AGTPBP1: variants seen among roughly 807,000 people sequenced by gnomAD.
AGTPBP1 encodes ATP/GTP binding carboxypeptidase 1.
In AGTPBP1, 70 loss-of-function variants were observed where a neutral mutation model predicts 143.9. That is an observed-to-expected ratio of 0.49 (90% CI 0.40 to 0.59). The LOEUF (loss-of-function observed/expected upper bound fraction) is 0.59, where lower values mean the gene tolerates loss of function less well. Ranked by LOEUF, AGTPBP1 falls within the 20% of genes least tolerant of loss-of-function variation. AGTPBP1 has a pLI of 0.00. For missense variants in AGTPBP1, 1,229 were observed against 1,464.5 expected (o/e 0.84, Z 2.62); for synonymous variants, 463 against 500.2 (o/e 0.93, Z 0.99).
chr9:85,675,861 T>TA (rs1413497335), intron 6 of AGTPBP1, among the ~76,000 whole-genome samples: 7 of 152,040 alleles, frequency 4.6e-5, no homozygotes, highest in Non-Finnish European at 1.0e-4. Context: ...CCGTCTCTAC[T>TA]AAAAATACAA....
chr9:85,668,966 CAT>C (rs746381852), intron 8 of AGTPBP1, among the ~76,000 whole-genome samples: 708 of 67,600 alleles, frequency 0.01, 5 homozygotes, highest in Admixed American at 0.014. Flanking sequence ...TACATACATA[CAT>C]GTGTGTGTGT....
chr9:85,724,955 C>T (rs1042381189), intron 1 of AGTPBP1, among the ~76,000 whole-genome samples: 7 of 152,144 alleles, frequency 4.6e-5, no homozygotes, highest in East Asian at 1.9e-4. Flanking sequence ...ATGGCAGATA[C>T]GGTATAATGG....
At chr9:85,763,251 G>C in the AGTPBP1 span, among the ~76,000 whole-genome samples, 6 of 151,788 alleles carry the variant, frequency 4.0e-5, no homozygotes, top group African/African-American at 1.5e-4. Context: ...ACAAAAATAA[G>C]GGCACCAACT....
At chr9:85,742,875 A>T (rs1056832724), upstream of AGTPBP1, among the ~76,000 whole-genome samples, 3 of 152,220 alleles carry the variant, frequency 2.0e-5, no homozygotes, top group African/African-American at 7.2e-5. Flanking sequence ...ACAACTAGAT[A>T]AGGGAATGCA....
intron 14 of AGTPBP1, 146 bp downstream of exon 14, chr9:85,632,516 G>C: frequency 1.4e-6 from 1 of 708,786 alleles, no homozygotes; most frequent in South Asian, 2.3e-5. Context: ...TCAAAACAAG[G>C]CAAAATTTCC....
At position 85,621,256 on chromosome 9, in the gene AGTPBP1, A is replaced by T; in HGVS notation, c.2045T>A (p.Leu682Gln). 3 of 1,452,294 alleles carry T rather than the reference A, an allele frequency of 2.1e-6. No individual in the cohort carries two copies. In the South Asian group the frequency reaches 5.1e-5, roughly 25 times the overall value. The allele number at this position is 1,452,294 out of a possible 1,614,324, so 90.0% of individuals were successfully genotyped here. A position where few individuals can be genotyped will look rare whatever the true frequency, so the allele number is the denominator to read the frequency against. ...ATCTATGATATCACTCTGATGTATT[A>T]GCCTTTCAATATCTTGAGCAATTTT... ...RTKIAQDIER[L>Q]IHQSDIIDRV... Residue 682 changes from leucine (L) to glutamine (Q), a missense_variant, in exon 15 of 26, where the codon CTA (leucine) becomes CAA (glutamine). By Grantham distance (113) the Leu-to-Gln change is moderately radical. Transcript: ENST00000357081.
At chr9:85,746,139 G>C (rs1412144392), upstream of AGTPBP1, among the ~76,000 whole-genome samples, 1 of 152,024 alleles carries the variant, frequency 6.6e-6, no homozygotes, top group African/African-American at 2.4e-5. Flanking sequence ...ACAGTATATA[G>C]ACGTCATACC....
At chr9:85,730,995 T>C (rs1282830693) in intron 1 of AGTPBP1, among the ~76,000 whole-genome samples, 2 of 152,240 alleles carry the variant, frequency 1.3e-5, no homozygotes, top group East Asian at 3.8e-4. Flanking sequence ...GGGAAAGTAG[T>C]TCTTTCTCTA....
chr9:85,632,327 TAA>T (rs1831733218), intron 14 of AGTPBP1, among the ~76,000 whole-genome samples: 2 of 152,224 alleles, frequency 1.3e-5, no homozygotes, highest in Non-Finnish European at 2.9e-5. Context: ...GACAAATTAC[TAA>T]GTTAACAAAT....
At chr9:85,575,618 A>C (rs1827849885) in intron 24 of AGTPBP1, 143 bp from the exon 25 acceptor site, 1 of 560,580 alleles carries the variant, frequency 1.8e-6, no homozygotes, top group Non-Finnish European at 2.8e-6. Context: ...GGACTCAACA[A>C]GTTTAACATC....
At chr9:85,773,320 CTTTTTTTTTTTTTT>C in the AGTPBP1 span, among the ~76,000 whole-genome samples, 5 of 29,948 alleles carry the variant, frequency 1.7e-4, no homozygotes, top group African/African-American at 2.7e-4. Flanking sequence ...CCAACAAATT[CTTTTTTTTTTTTTT>C]TTTTTTTTTT....
the AGTPBP1 span, among the ~76,000 whole-genome samples, chr9:85,768,379 A>C: frequency 6.6e-6 from 1 of 152,218 alleles, no homozygotes; most frequent in Non-Finnish European, 1.5e-5. Context: ...GTTCTTGGAA[A>C]TTGTGACTTT....
chr9:85,778,787 G>A, the AGTPBP1 span, among the ~76,000 whole-genome samples: 1 of 152,188 alleles, frequency 6.6e-6, no homozygotes, highest in Non-Finnish European at 1.5e-5. Context: ...AGGTAGAAGA[G>A]TTCATCATTT....
chr9:85,685,854 A>T (rs1032794474), intron 3 of AGTPBP1, among the ~76,000 whole-genome samples: 1 of 152,156 alleles, frequency 6.6e-6, no homozygotes, highest in Admixed American at 6.5e-5. Context: ...GAAAAAATTT[A>T]AGATTCTAAA....
intron 25 of AGTPBP1, among the ~76,000 whole-genome samples, chr9:85,558,325 G>A (rs1826481864): frequency 6.6e-6 from 1 of 152,186 alleles, no homozygotes; most frequent in Non-Finnish European, 1.5e-5. Context: ...GTTGCCAGGG[G>A]CCAGGAGTGA....
chr9:85,682,820 A>G (rs896238646), intron 3 of AGTPBP1, among the ~76,000 whole-genome samples: 8 of 152,214 alleles, frequency 5.3e-5, no homozygotes, highest in Non-Finnish European at 1.2e-4. Flanking sequence ...GTTCTGAGCA[A>G]ATCCTGTTCA....
intron 17 of AGTPBP1, among the ~76,000 whole-genome samples, chr9:85,609,012 T>A (rs751642334): frequency 6.6e-6 from 1 of 152,120 alleles, no homozygotes. Flanking sequence ...ATTATCTCTG[T>A]TGGAGAAGAA....
chr9:85,588,255 C>T, intron 21 of AGTPBP1, 43 bp downstream of exon 21: 1 of 1,489,214 alleles, frequency 6.7e-7, no homozygotes, highest in Non-Finnish European at 9.0e-7. Context: ...ACAGGACAAC[C>T]ACAATGGTCT....
intron 17 of AGTPBP1, among the ~76,000 whole-genome samples, chr9:85,605,096 T>A (rs1829912092): frequency 6.6e-6 from 1 of 152,060 alleles, no homozygotes; most frequent in African/African-American, 2.4e-5. Flanking sequence ...CCAGAGAACT[T>A]TCCAAACCTA....
Sources: allele counts gnomAD v4.1 joint callset (sites outside exome capture counted in the v4.1 genomes callset), GRCh38; gene constraint gnomAD v4.1.1; transcripts MANE v1.5; gene names NCBI Gene and HGNC (gene_info 2026-07-23, HGNC 2026-07-21).